The following C1GALT1 variants were observed in gnomAD, a reference collection of about 807,000 sequenced individuals.
C1GALT1 encodes the protein core 1 synthase, glycoprotein-N-acetylgalactosamine 3-beta-galactosyltransferase 1.
A neutral mutation model predicts 31.0 loss-of-function variants in C1GALT1; 11 were observed. The observed-to-expected ratio is 0.36, with a 90% confidence interval of 0.22 to 0.59. The LOEUF (loss-of-function observed/expected upper bound fraction) is 0.59. Ranked by LOEUF, C1GALT1 falls within the 20% of genes least tolerant of loss-of-function variation. The pLI, the probability that C1GALT1 is intolerant of heterozygous loss-of-function variation, is 0.79. For missense variants in C1GALT1, 424 were observed against 425.2 expected (o/e 1.00, Z 0.03); for synonymous variants, 175 against 143.6 (o/e 1.22, Z -1.56).
chr7:7,239,646 C>A (rs1181340061), intron 3 of C1GALT1, among the ~76,000 whole-genome samples: 1 of 152,116 alleles, frequency 6.6e-6, no homozygotes, highest in Non-Finnish European at 1.5e-5. Context: ...ATTTAATAAG[C>A]CTTGGCTCAC....
At chr7:7,230,214 C>T (rs1320614686) in intron 1 of C1GALT1, among the ~76,000 whole-genome samples, 1 of 152,048 alleles carries the variant, frequency 6.6e-6, no homozygotes, top group African/African-American at 2.4e-5. Flanking sequence ...TAAGTATGTA[C>T]TTAATGGGAT....
At chr7:7,215,172 C>G (rs1379460974) in intron 1 of C1GALT1, among the ~76,000 whole-genome samples, 4 of 152,168 alleles carry the variant, frequency 2.6e-5, no homozygotes, top group African/African-American at 9.7e-5. Context: ...AAGTTTGCCA[C>G]CGACTGCTTT....
intron 1 of C1GALT1, among the ~76,000 whole-genome samples, chr7:7,221,551 G>C (rs1782512380): frequency 6.6e-6 from 1 of 152,146 alleles, no homozygotes; most frequent in South Asian, 2.1e-4. Context: ...TGGTAATTTA[G>C]ACTAGCTAAT....
intron 2 of C1GALT1, among the ~76,000 whole-genome samples, chr7:7,169,141 A>G (rs937968335): frequency 2.6e-5 from 4 of 152,254 alleles, no homozygotes; most frequent in Non-Finnish European, 1.5e-5. Flanking sequence ...TATTTCACTT[A>G]GTATAATGTT....
intron 1 of C1GALT1, 131 bp from the exon 2 acceptor site, chr7:7,234,171 TA>T: frequency 1.5e-6 from 1 of 670,396 alleles, no homozygotes; most frequent in Non-Finnish European, 2.5e-6. Context: ...AATAGAGGGG[TA>T]AACTCATAGA....
intron 1 of C1GALT1, among the ~76,000 whole-genome samples, chr7:7,193,429 C>A (rs61498285): frequency 0.033 from 5,000 of 151,992 alleles, 183 homozygotes; most frequent in African/African-American, 0.091. Flanking sequence ...CCCCACTTTA[C>A]GTTTGTGTTT....
At chr7:7,171,365 C>G (rs1005459116) in intron 2 of C1GALT1, among the ~76,000 whole-genome samples, 7 of 152,008 alleles carry the variant, frequency 4.6e-5, no homozygotes, top group African/African-American at 7.2e-5. Context: ...TAATGTCCTT[C>G]TTTGTCATTA....
chr7:7,241,154 CAAATATGAT>C (rs1783610768), intron 3 of C1GALT1, among the ~76,000 whole-genome samples: 1 of 151,944 alleles, frequency 6.6e-6, no homozygotes, highest in African/African-American at 2.4e-5. Flanking sequence ...CAGAAATGGT[CAAATATGAT>C]CTACTTTATT....
At chr7:7,175,165 T>A (rs1007253001) in intron 2 of C1GALT1, among the ~76,000 whole-genome samples, 1 of 152,216 alleles carries the variant, frequency 6.6e-6, no homozygotes, top group Admixed American at 6.5e-5. Flanking sequence ...AGTCAGTTTA[T>A]TTGATGCCTG....
In C1GALT1 at chr7:7,205,569, A is replaced by C. The variant is rs185109338; in HGVS notation, c.-18+22749A>C. Among the ~76,000 whole-genome samples the C allele has an allele frequency of 2.0e-4, 31 of 152,340 alleles. 1 individual carries two copies. In the South Asian group the frequency reaches 6.0e-3, roughly 30 times the overall value. On this transcript the variant is annotated intron_variant, in intron 1 of 3. Coordinates refer to ENST00000436587, the MANE Select transcript of C1GALT1 (RefSeq NM_020156.5). ...CAGAGGTAGAAGAAGATGCACATATAGATGGACCTATACTGTTCAGACCCA... is the reference window on the plus strand; with the variant it reads ...CAGAGGTAGAAGAAGATGCACATATCGATGGACCTATACTGTTCAGACCCA...
At chr7:7,196,140 T>G (rs1033185921) in intron 1 of C1GALT1, among the ~76,000 whole-genome samples, 1 of 152,178 alleles carries the variant, frequency 6.6e-6, no homozygotes, top group African/African-American at 2.4e-5. Context: ...TGTATACATG[T>G]GTCATGTTGG....
chr7:7,214,789 C>T (rs951308448), intron 1 of C1GALT1, among the ~76,000 whole-genome samples: 22 of 152,134 alleles, frequency 1.4e-4, no homozygotes, highest in Admixed American at 2.0e-4. Context: ...ATTCTCCAGT[C>T]GAAAACAAAG....
chr7:7,227,644 C>T (rs1174154595), intron 1 of C1GALT1, among the ~76,000 whole-genome samples: 2 of 149,056 alleles, frequency 1.3e-5, no homozygotes, highest in African/African-American at 2.5e-5. Flanking sequence ...GGCGTGAACC[C>T]GGGAGGCGGA....
chr7:7,171,722 C>A (rs1051031935), intron 2 of C1GALT1, among the ~76,000 whole-genome samples: 2 of 151,638 alleles, frequency 1.3e-5, no homozygotes, highest in Non-Finnish European at 2.9e-5. Context: ...CATTTTGATT[C>A]GCTTCTCATT....
chr7:7,210,686 C>T (rs1278599574), intron 1 of C1GALT1: 1 of 152,128 alleles, frequency 6.6e-6, no homozygotes, highest in Non-Finnish European at 1.5e-5. Flanking sequence ...CTCTTCCACC[C>T]TGGTCTTTTA....
chr7:7,197,116 C>T (rs1303007978), intron 1 of C1GALT1, among the ~76,000 whole-genome samples: 1 of 152,180 alleles, frequency 6.6e-6, no homozygotes, highest in Non-Finnish European at 1.5e-5. Flanking sequence ...AGTCCTTGCC[C>T]ATGCCTATGG....
intron 1 of C1GALT1, among the ~76,000 whole-genome samples, chr7:7,187,902 T>C (rs998514271): frequency 6.6e-6 from 1 of 152,176 alleles, no homozygotes; most frequent in African/African-American, 2.4e-5. Context: ...TTATATATCA[T>C]GTTAATAAAA....
At chr7:7,176,512 GAACAAA>G in intron 2 of C1GALT1, among the ~76,000 whole-genome samples, 1 of 152,112 alleles carries the variant, frequency 6.6e-6, no homozygotes, top group South Asian at 2.1e-4. Context: ...GGAACTAGAG[GAACAAA>G]GAGTAACCCC....
intron 2 of C1GALT1, among the ~76,000 whole-genome samples, chr7:7,172,665 A>T: frequency 6.6e-6 from 1 of 152,070 alleles, no homozygotes; most frequent in East Asian, 1.9e-4. Flanking sequence ...TTTTAATGCC[A>T]TTTTAGGTTT....
Sources: allele counts gnomAD v4.1 joint callset (sites outside exome capture counted in the v4.1 genomes callset), GRCh38; gene constraint gnomAD v4.1.1; transcripts MANE v1.5; gene names NCBI Gene and HGNC (gene_info 2026-07-23, HGNC 2026-07-21).